Variants in PXDC1 observed in about 807,000 individuals in gnomAD.
PXDC1 encodes the protein PX domain-containing protein 1.
PXDC1 carries 13 observed loss-of-function variants against 24.4 expected under a neutral mutation model. The observed-to-expected ratio is 0.53, with a 90% CI of 0.35 to 0.85. The LOEUF (loss-of-function observed/expected upper bound fraction) is 0.85, where lower values mean the gene tolerates loss of function less well. Ranked by LOEUF, PXDC1 falls within the 40% of genes least tolerant of loss-of-function variation. PXDC1 has a pLI of 0.01. For synonymous variants in PXDC1, 162 were observed against 124.9 expected (o/e 1.30, Z -1.98); for missense variants, 344 against 309.3 (o/e 1.11, Z -0.84).
At chr6:3,739,017 ATGGC>A in intron 1 of PXDC1, 1 of 1,241,526 alleles carries the variant, frequency 8.1e-7, no homozygotes. Context: ...AGAACTATTA[ATGGC>A]AAAAACCGTG....
intron 1 of PXDC1, among the ~76,000 whole-genome samples, chr6:3,750,669 G>A (rs1017439045): frequency 2.0e-5 from 3 of 152,188 alleles, no homozygotes; most frequent in Non-Finnish European, 4.4e-5. Context: ...AAACGCGAAT[G>A]GGGACCAGCC....
chr6:3,744,442 G>A (rs1760518912), intron 1 of PXDC1, among the ~76,000 whole-genome samples: 1 of 149,738 alleles, frequency 6.7e-6, no homozygotes, highest in Non-Finnish European at 1.5e-5. Context: ...AGGATGCACA[G>A]CAGGGGATCC....
At chr6:3,732,817 CAG>C (rs760486544) in intron 3 of PXDC1, among the ~76,000 whole-genome samples, 2 of 152,278 alleles carry the variant, frequency 1.3e-5, no homozygotes, top group East Asian at 3.9e-4. Context: ...ATCATGAGAG[CAG>C]AGACAGTCAG....
intron 3 of PXDC1, among the ~76,000 whole-genome samples, chr6:3,732,978 G>A (rs546323041): frequency 6.6e-6 from 1 of 152,342 alleles, no homozygotes; most frequent in East Asian, 1.9e-4. Flanking sequence ...GACCCTGCAG[G>A]GCCACAGTCC....
chr6:3,737,806 C>T lies in PXDC1; in HGVS notation c.348+251G>A. ...CCCTTCCACCCATGCCTCCTTGCAT[C>T]CCTCATTTTCACTCTTTCCCCAGGG... On this transcript the variant is annotated intron_variant, in intron 2 of 4. Coordinates refer to ENST00000380283, the MANE Select transcript of PXDC1 (RefSeq NM_183373.4). The surrounding 1 kb of genome is among the most constrained non-coding windows in gnomAD (Gnocchi z 5.5). The T allele has an allele frequency of 2.0e-6, 1 of 489,274 alleles. No individual in the cohort carries two copies. Among genetic ancestry groups the T allele is most frequent in the Non-Finnish European group, 2.7e-6 (1 of 376,836 alleles). 30.3% of individuals were successfully genotyped at this position (489,274 alleles called of 1,614,324 possible).
chr6:3,723,646 G>C lies in PXDC1; in HGVS notation c.669C>G (p.Val223=), dbSNP rs1480793111. 1.2e-6 allele frequency: 2 copies of C among 1,614,128 alleles called. No homozygotes were observed. Among genetic ancestry groups the C allele is most frequent in the South Asian group, 2.2e-5 (2 of 91,078 alleles). ...YVTNLSYYHL[V]PFETDIWD is the part of the protein sequence containing the mutation. Reference sequence around the variant, plus strand: ...AGTCCCAAATGTCTGTCTCGAAGGGGACCAGGTGGTAATATGACAGGTTGG... The same window carrying C: ...AGTCCCAAATGTCTGTCTCGAAGGGCACCAGGTGGTAATATGACAGGTTGG... Residue 223 remains valine (V), a synonymous_variant, in exon 5 of 5, where the codon GTC becomes GTG. Transcript: ENST00000380283.
Position 3,729,462 on chromosome 6 carries a change from T to C in PXDC1, c.467-1800A>G, listed in dbSNP as rs1466918112. Among the ~76,000 whole-genome samples, 12 of 152,262 alleles carry C rather than the reference T, an allele frequency of 7.9e-5. 1 individual carries two copies. In the East Asian group the frequency reaches 2.1e-3, roughly 27 times the overall value. On this transcript the variant is annotated intron_variant, in intron 3 of 4. Transcript: ENST00000380283. ...TCCTGGGGACATCAGTCCTCAGCTCTTCCCTGCCCTCCTCCCTGTACCACC... is the reference window on the plus strand; with the variant it reads ...TCCTGGGGACATCAGTCCTCAGCTCCTCCCTGCCCTCCTCCCTGTACCACC...
At chr6:3,727,482 G>A (rs969828413) in intron 4 of PXDC1, 69 bp downstream of exon 4, 21 of 1,083,092 alleles carry the variant, frequency 1.9e-5, no homozygotes, top group Non-Finnish European at 2.7e-5. Context: ...TAAGAACAGT[G>A]AGCCCCCATC....
chr6:3,750,242 G>A (rs958714304), intron 1 of PXDC1, among the ~76,000 whole-genome samples: 2 of 152,198 alleles, frequency 1.3e-5, no homozygotes, highest in Non-Finnish European at 2.9e-5. Flanking sequence ...AGACTTGGAC[G>A]GGCCACCTTC....
At chr6:3,747,450 C>A (rs998296111) in intron 1 of PXDC1, among the ~76,000 whole-genome samples, 1 of 152,140 alleles carries the variant, frequency 6.6e-6, no homozygotes, top group African/African-American at 2.4e-5. Context: ...CCAAATGTGA[C>A]CACGACCTTC....
chr6:3,727,805 C>T (rs1053462040), intron 3 of PXDC1, 143 bp from the exon 4 acceptor site: 5 of 617,218 alleles, frequency 8.1e-6, no homozygotes, highest in African/African-American at 7.4e-5. Context: ...ATGCCGTGCA[C>T]CCGAGACCCA....
At chr6:3,735,184 C>T (rs1209580986) in intron 3 of PXDC1, among the ~76,000 whole-genome samples, 1 of 152,192 alleles carries the variant, frequency 6.6e-6, no homozygotes, top group Non-Finnish European at 1.5e-5. Context: ...CCAGAGGCAT[C>T]ACACTACACA....
Position 3,737,679 on chromosome 6 carries a change from T to C in PXDC1, c.348+378A>G, listed in dbSNP as rs975615550. 1.0e-6 allele frequency: 1 copy of C among 985,318 alleles called. No individual in the cohort carries two copies. Among genetic ancestry groups the C allele is most frequent in the Admixed American group, 6.1e-5 (1 of 16,274 alleles). The allele number at this position is 985,318 out of a possible 1,614,324, so 61.0% of individuals were successfully genotyped here. ...CCCCGCTGTGCTGACGCCAACGTTCTTCTTGGTTTCCACGTGTCTGTTCTA... is the reference window on the plus strand; with the variant it reads ...CCCCGCTGTGCTGACGCCAACGTTCCTCTTGGTTTCCACGTGTCTGTTCTA... On this transcript the variant is annotated intron_variant, in intron 2 of 4. Coordinates refer to ENST00000380283, the MANE Select transcript of PXDC1 (RefSeq NM_183373.4). The surrounding 1 kb of genome is among the most constrained non-coding windows in gnomAD (Gnocchi z 5.5).
intron 1 of PXDC1, among the ~76,000 whole-genome samples, chr6:3,743,096 G>A (rs1381645969): frequency 6.6e-6 from 1 of 152,180 alleles, no homozygotes; most frequent in Non-Finnish European, 1.5e-5. Flanking sequence ...TTGGGAATTG[G>A]AGGCTTTGGG....
chr6:3,748,863 G>C (rs1320134692), intron 1 of PXDC1, among the ~76,000 whole-genome samples: 4 of 152,244 alleles, frequency 2.6e-5, no homozygotes, highest in African/African-American at 9.6e-5. Context: ...GAATGATGCA[G>C]AGAAAAGCCG....
Position 3,738,932 on chromosome 6 carries a change from C to T in PXDC1, c.257-784G>A, listed in dbSNP as rs1581247844. On this transcript the variant is annotated intron_variant, in intron 1 of 4. Coordinates refer to ENST00000380283, the MANE Select transcript of PXDC1 (RefSeq NM_183373.4). ...TAGGTGCCCAAGGACACTGGCGTCT[C>T]CCCCACACTTGTGTGACCGAGGCTG... is the stretch of plus-strand genomic sequence containing the variant. 1.5e-6 allele frequency: 2 copies of T among 1,301,722 alleles called. 1 individual carries two copies. The highest frequency in any genetic ancestry group is 2.0e-6 in the Non-Finnish European group (2 of 988,698). The allele number at this position is 1,301,722 out of a possible 1,614,324, so 80.6% of individuals were successfully genotyped here. A position where few individuals can be genotyped will look rare whatever the true frequency, so the allele number is the denominator to read the frequency against.
chr6:3,723,521 A>T lies in PXDC1; in HGVS notation c.*98T>A. On this transcript the variant is annotated 3_prime_UTR_variant, in exon 5 of 5. Coordinates refer to ENST00000380283, the MANE Select transcript of PXDC1 (RefSeq NM_183373.4). ...GGGGCCTGGGACGTCTGGGAGTTCC[A>T]GAGCTGGGGCAGCAGCTGTGACCAT... 1 of 947,034 alleles carries T rather than the reference A, an allele frequency of 1.1e-6. No homozygotes were observed. The highest frequency in any genetic ancestry group is 1.7e-6 in the Non-Finnish European group (1 of 592,946). 58.7% of individuals were successfully genotyped at this position (947,034 alleles called of 1,614,324 possible). A position where few individuals can be genotyped will look rare whatever the true frequency, so the allele number is the denominator to read the frequency against.
Position 3,737,258 on chromosome 6 carries a change from T to C in PXDC1, c.349-62A>G. The C allele has an allele frequency of 8.3e-7, 1 of 1,204,870 alleles. No homozygotes were observed. The highest frequency in any genetic ancestry group is 1.5e-5 in the African/African-American group (1 of 66,988). The allele number at this position is 1,204,870 out of a possible 1,614,324, so 74.6% of individuals were successfully genotyped here. A position where few individuals can be genotyped will look rare whatever the true frequency, so the allele number is the denominator to read the frequency against. On this transcript the variant is annotated intron_variant, in intron 2 of 4. Transcript: ENST00000380283. The surrounding 1 kb of genome is among the most constrained non-coding windows in gnomAD (Gnocchi z 5.5). ...CCTCTACACGTTGGCCCTGTCTGTC[T>C]ACCAAGAGAGGGCCCCGCTCCTCCG...
intron 3 of PXDC1, among the ~76,000 whole-genome samples, chr6:3,734,152 C>T (rs1760264947): frequency 6.6e-6 from 1 of 152,198 alleles, no homozygotes; most frequent in African/African-American, 2.4e-5. Context: ...TACGTTTCTC[C>T]CTGTTAAATT....
Sources: gnomAD v4.1 joint callset for allele counts (sites outside exome capture counted in the v4.1 genomes callset) on GRCh38, gnomAD v4.1.1 for gene constraint, Gnocchi (gnomAD v3.1) non-coding constraint, MANE v1.5 for transcripts, NCBI Gene and HGNC (gene_info 2026-07-23, HGNC 2026-07-21) for gene names.